TAPT1: variants seen among roughly 807,000 people sequenced by gnomAD.
TAPT1 encodes the protein transmembrane anterior posterior transformation protein 1 homolog.
In TAPT1, 28 loss-of-function variants were observed where a neutral mutation model predicts 65.6. The observed-to-expected ratio is 0.43, with a 90% CI of 0.32 to 0.59. The LOEUF (loss-of-function observed/expected upper bound fraction) is 0.59. TAPT1 is among the 20% of genes least tolerant of loss of function. The pLI is 0.09. For missense variants in TAPT1, 563 were observed against 679.9 expected (o/e 0.83, Z 1.91); for synonymous variants, 278 against 245.2 (o/e 1.13, Z -1.25).
chr4:16,193,236 A>G (rs552969811), intron 3 of TAPT1, among the ~76,000 whole-genome samples: 35 of 152,366 alleles, frequency 2.3e-4, no homozygotes, highest in African/African-American at 7.7e-4. Context: ...GGCTGGACCA[A>G]TGAGCCTAAA....
chr4:16,203,627 T>C (rs1487032689), intron 2 of TAPT1, among the ~76,000 whole-genome samples: 1 of 151,944 alleles, frequency 6.6e-6, no homozygotes, highest in Admixed American at 6.6e-5. Context: ...GGAGAGATAA[T>C]ATGAAGACCG....
chr4:16,183,857 A>G (rs1748852104), intron 7 of TAPT1, among the ~76,000 whole-genome samples: 1 of 152,214 alleles, frequency 6.6e-6, no homozygotes, highest in African/African-American at 2.4e-5. Flanking sequence ...ATTAATAAGC[A>G]GCAAGAATAT....
At chr4:16,177,823 T>G (rs1245393263) in intron 8 of TAPT1, among the ~76,000 whole-genome samples, 1 of 151,210 alleles carries the variant, frequency 6.6e-6, no homozygotes, top group African/African-American at 2.4e-5. Context: ...TTGTTGGTTT[T>G]TTTTTTTAAG....
rs1751571374 is a variant in TAPT1, at chr4:16,226,442, C to G, written c.16G>C (p.Asp6His). 9.4e-7 allele frequency: 1 copy of G among 1,069,304 alleles called. No homozygotes were observed. The highest frequency in any genetic ancestry group is 1.1e-6 in the Non-Finnish European group (1 of 885,930). 66.2% of individuals were successfully genotyped at this position (1,069,304 alleles called of 1,614,324 possible). The change falls in exon 1 of 14, where the codon GAC (aspartate) becomes CAC (histidine). Residue 6 changes from aspartate to histidine, a missense_variant. Coordinates refer to ENST00000405303, the MANE Select transcript of TAPT1 (RefSeq NM_153365.3). ...CCGCCTTCTCCCGGAGCGGCCGCGT[C>G]GCCGACGCCCGCCATGTTCCGAGCA... MAGVG[D>H]AAAPGEGGGG...
At chr4:16,181,835 T>C (rs1006903653) in intron 7 of TAPT1, among the ~76,000 whole-genome samples, 1 of 152,250 alleles carries the variant, frequency 6.6e-6, no homozygotes, top group Non-Finnish European at 1.5e-5. Flanking sequence ...CCCAAAGTGT[T>C]GGGATTACAG....
At chr4:16,179,808 G>GTATATATATATATATATATATA (rs1748602371) in intron 7 of TAPT1, among the ~76,000 whole-genome samples, 151 bp from the exon 8 acceptor site, 11 of 148,208 alleles carry the variant, frequency 7.4e-5, no homozygotes, top group African/African-American at 2.9e-4. Context: ...ATATATGTGT[G>GTATATATATATATATATATATA]TGTGTGTGTG....
intron 11 of TAPT1, 95 bp from the exon 12 acceptor site, chr4:16,170,824 A>G: frequency 1.1e-6 from 1 of 931,068 alleles, no homozygotes; most frequent in Non-Finnish European, 1.7e-6. Context: ...CTCCATGCTG[A>G]CTTTAACATT....
At chr4:16,188,997 G>T (rs963259510) in intron 4 of TAPT1, among the ~76,000 whole-genome samples, 5 of 152,142 alleles carry the variant, frequency 3.3e-5, no homozygotes, top group Admixed American at 2.0e-4. Flanking sequence ...TCAAACTCAG[G>T]ATTCAAATTT....
intron 2 of TAPT1, among the ~76,000 whole-genome samples, chr4:16,211,571 A>G (rs1362332701): frequency 6.6e-6 from 1 of 152,204 alleles, no homozygotes; most frequent in African/African-American, 2.4e-5. Flanking sequence ...TTGTTCTAAG[A>G]GACTACATCA....
chr4:16,195,697 C>T (rs1321889867), intron 3 of TAPT1, among the ~76,000 whole-genome samples: 1 of 152,042 alleles, frequency 6.6e-6, no homozygotes, highest in African/African-American at 2.4e-5. Flanking sequence ...TACAATTTAC[C>T]AGTTAGAGCA....
intron 1 of TAPT1, among the ~76,000 whole-genome samples, chr4:16,221,821 T>A (rs1751271665): frequency 6.6e-6 from 1 of 152,230 alleles, no homozygotes; most frequent in Non-Finnish European, 1.5e-5. Flanking sequence ...TTAAATAAGC[T>A]TATTGAACAG....
At chr4:16,215,923 C>A (rs1436114874) in intron 1 of TAPT1, among the ~76,000 whole-genome samples, 1 of 152,154 alleles carries the variant, frequency 6.6e-6, no homozygotes, top group Non-Finnish European at 1.5e-5. Context: ...ATAAACAAAT[C>A]ATACTCAGTT....
intron 3 of TAPT1, among the ~76,000 whole-genome samples, chr4:16,194,469 G>A (rs181890770): frequency 1.5e-3 from 229 of 152,266 alleles, no homozygotes; most frequent in Admixed American, 5.4e-3. Flanking sequence ...AGAAACATCT[G>A]CACTCTAGAC....
chr4:16,226,829 C>CGGCGGCG (rs1245910158), upstream of TAPT1: 3 of 166,548 alleles, frequency 1.8e-5, no homozygotes, highest in Non-Finnish European at 3.7e-5. Context: ...CCGGGGATGG[C>CGGCGGCG]GGCGGCGGGC....
chr4:16,180,031 T>G (rs1181347390), intron 7 of TAPT1, among the ~76,000 whole-genome samples: 6 of 151,754 alleles, frequency 4.0e-5, no homozygotes, highest in African/African-American at 1.5e-4. Context: ...AAGCAAAGAG[T>G]AAAATGAAAG....
chr4:16,219,117 G>A (rs1019505736), intron 1 of TAPT1, among the ~76,000 whole-genome samples: 5 of 152,084 alleles, frequency 3.3e-5, no homozygotes, highest in African/African-American at 9.7e-5. Flanking sequence ...TGCCCATTTT[G>A]CAGATGAAGA....
intron 2 of TAPT1, among the ~76,000 whole-genome samples, chr4:16,211,042 GTGT>G (rs1208851951): frequency 6.2e-5 from 9 of 146,302 alleles, no homozygotes; most frequent in Non-Finnish European, 4.4e-5. Context: ...AAAAATTGGG[GTGT>G]TTTTTTTTTC....
At chr4:16,227,094 C>T (rs1751632371), upstream of TAPT1, 1 of 455,106 alleles carries the variant, frequency 2.2e-6, no homozygotes, top group South Asian at 1.6e-5. Context: ...TTATGCTTGC[C>T]TGTTACATTC....
At position 16,191,462 on chromosome 4, in the gene TAPT1, T is replaced by C. The variant is rs1192416407; in HGVS notation, c.511A>G (p.Ile171Val). The stretch of plus-strand genomic sequence containing the variant: ...ACATAGTGCATCATAAAATAGCAGA[T>C]TACCAAAATGACACCCTTCAAAATG... ...CDILKGVILV[I>V]CYFMMHYVDY... Residue 171 changes from isoleucine (I) to valine (V), a missense_variant, in exon 4 of 14, where the codon ATC (isoleucine) becomes GTC (valine). This residue lies in a region of TAPT1 where 217 missense variants were observed against 317.5 expected (regional missense o/e 0.68). Transcript: ENST00000405303. 1.9e-6 allele frequency: 3 copies of C among 1,573,230 alleles called. No individual in the cohort carries two copies. The highest frequency in any genetic ancestry group is 4.7e-5 in the East Asian group (2 of 42,876).
Sources: allele counts gnomAD v4.1 joint callset (sites outside exome capture counted in the v4.1 genomes callset), GRCh38; gene constraint gnomAD v4.1.1; regional missense constraint gnomAD v4.1.1; transcripts MANE v1.5; gene names NCBI Gene and HGNC (gene_info 2026-07-23, HGNC 2026-07-21).